ZNHIT1: variants seen among roughly 807,000 people sequenced by gnomAD.
ZNHIT1 encodes the protein zinc finger HIT domain-containing protein 1.
A neutral mutation model predicts 21.4 loss-of-function variants in ZNHIT1; 20 were observed. The ratio of observed to expected loss-of-function variants is 0.93; its 90% CI spans 0.66 to 1.36. The LOEUF (loss-of-function observed/expected upper bound fraction) is 1.36, where lower values mean the gene tolerates loss of function less well. Among genes scored for constraint, ZNHIT1 ranks in the 40% most tolerant of loss-of-function variants. ZNHIT1 has a pLI of 0.00. For missense variants in ZNHIT1, 170 were observed against 213.5 expected, an observed-to-expected ratio of 0.80 and a Z score of 1.27; for synonymous variants, 79 against 84.0, an observed-to-expected ratio of 0.94 and a Z score of 0.32.
chr7:101,224,116 C>T lies in ZNHIT1; in HGVS notation c.*158C>T, dbSNP rs1302766924. 15 of 1,150,544 alleles carry T rather than the reference C, an allele frequency of 1.3e-5. No individual in the cohort carries two copies. The highest frequency in any genetic ancestry group is 1.6e-5 in the Non-Finnish European group (13 of 802,152). The allele number at this position is 1,150,544 out of a possible 1,614,324, so 71.3% of individuals were successfully genotyped here. Reference sequence around the variant, plus strand: ...TGTCTTATCTGCCAGGAAAGACCAGCCTCACTCCTGGGAACTGTCTGGCAG... The same window carrying T: ...TGTCTTATCTGCCAGGAAAGACCAGTCTCACTCCTGGGAACTGTCTGGCAG... On this transcript the variant is annotated 3_prime_UTR_variant, in exon 5 of 5. Transcript: ENST00000305105.
chr7:101,222,761 C>T lies in ZNHIT1; in HGVS notation c.180C>T (p.Asp60=), dbSNP rs61748356. 5.5e-4 allele frequency: 893 copies of T among 1,613,856 alleles called. 3 individuals are homozygous for T. In the African/African-American group the frequency reaches 9.8e-3, roughly 18 times the overall value. Residue 60 remains aspartate, a synonymous_variant, in exon 2 of 5, where the codon GAC becomes GAT. Transcript: ENST00000305105. ...GCAAGAGACTGCCTCAGTTTGATGA[C>T]GATGCGGACACTGGTGAGGCGGATG... The part of the protein sequence containing the change: ...QLGKRLPQFD[D]DADTGKKKKK...
chr7:101,223,929 G>C lies in ZNHIT1; in HGVS notation c.444-8G>C. 1 of 1,614,148 alleles carries C rather than the reference G, an allele frequency of 6.2e-7. No homozygotes were observed. Among genetic ancestry groups the C allele is most frequent in the Non-Finnish European group, 8.5e-7 (1 of 1,180,008 alleles). Reference sequence around the variant, plus strand: ...CTCCCCTCATCCTGGCTTCCCCTCTGTCTGCAGGTGTCTGAAGTGGACTGT... The same window carrying C: ...CTCCCCTCATCCTGGCTTCCCCTCTCTCTGCAGGTGTCTGAAGTGGACTGT... On this transcript the variant is annotated splice_region_variant and splice_polypyrimidine_tract_variant and intron_variant, in intron 4 of 4. Coordinates refer to ENST00000305105, the MANE Select transcript of ZNHIT1 (RefSeq NM_006349.3).
chr7:101,220,226 C>T (rs1023849579), intron 1 of ZNHIT1: 1 of 148,800 alleles, frequency 6.7e-6, no homozygotes, highest in Non-Finnish European at 1.5e-5. Flanking sequence ...CTCAAGCAAT[C>T]CTTGCGCCTC....
intron 1 of ZNHIT1, chr7:101,218,530 C>T (rs576605258): frequency 5.0e-6 from 2 of 396,626 alleles, no homozygotes; most frequent in South Asian, 4.6e-5. Flanking sequence ...CCTGCGTGGG[C>T]CTTCCAAAGT....
At position 101,222,767 on chromosome 7, in the gene ZNHIT1, G is replaced by A. The variant is rs139212136; in HGVS notation, c.186G>A (p.Ala62=). 918 of 1,613,756 alleles carry A rather than the reference G, an allele frequency of 5.7e-4. 6 individuals are homozygous for A. The African/African-American group carries it at 0.011, about 20-fold the overall frequency. ...GKRLPQFDDD[A]DTGKKKKKTR... is the part of the protein sequence containing the mutation. ...GACTGCCTCAGTTTGATGACGATGC[G>A]GACACTGGTGAGGCGGATGGAGGAG... The change falls in exon 2 of 5, where the codon GCG becomes GCA. Residue 62 remains alanine, a synonymous_variant. Coordinates refer to ENST00000305105, the MANE Select transcript of ZNHIT1 (RefSeq NM_006349.3).
chr7:101,219,879 T>G (rs901098924), intron 1 of ZNHIT1: 1 of 152,254 alleles, frequency 6.6e-6, no homozygotes, highest in Non-Finnish European at 1.5e-5. Flanking sequence ...CTTCCCTGAC[T>G]ACTCCAAGGC....
At position 101,218,202 on chromosome 7, in the gene ZNHIT1, G is replaced by A. The variant is rs765220115; in HGVS notation, c.7G>A (p.Glu3Lys). 8 of 1,613,284 alleles carry A rather than the reference G, an allele frequency of 5.0e-6. No homozygotes were observed. Among genetic ancestry groups the A allele is most frequent in the African/African-American group, 1.3e-5 (1 of 74,882 alleles). Residue 3 changes from glutamate (E) to lysine (K), a missense_variant, in exon 1 of 5, where the codon GAG becomes AAG. Glu to Lys is a moderately conservative substitution (Grantham distance 56). Transcript: ENST00000305105. ...CGACAGTTGTGTTGTGCCAATGGTG[G>A]AGAAGAAAACTTCGGGTATGTGAGC... is the stretch of plus-strand genomic sequence containing the variant. MV[E>K]KKTSVRSQDP... is the part of the protein sequence containing the mutation.
chr7:101,220,740 G>A (rs1192474480), intron 1 of ZNHIT1: 1 of 152,110 alleles, frequency 6.6e-6, no homozygotes, highest in Admixed American at 6.6e-5. Flanking sequence ...ATAAGGCAAT[G>A]AGGAAAGAGG....
rs774757237 is a variant in ZNHIT1, at chr7:101,222,628, G to A, written c.47G>A (p.Arg16Gln). The change falls in exon 2 of 5, where the codon CGG becomes CAG. Residue 16 changes from arginine to glutamine, a missense_variant. Arg to Gln is a conservative substitution (Grantham distance 43, BLOSUM62 1). Coordinates refer to ENST00000305105, the MANE Select transcript of ZNHIT1 (RefSeq NM_006349.3). ...TSVRSQDPGQ[R>Q]RVLDRAARQR... is the part of the protein sequence containing the mutation. ...GTTCGCTCCCAGGACCCCGGGCAGC[G>A]GCGGGTGCTGGACCGGGCTGCCCGG... 7 of 1,611,058 alleles carry A rather than the reference G, an allele frequency of 4.3e-6. No homozygotes were observed. Among genetic ancestry groups the A allele is most frequent in the South Asian group, 3.3e-5 (3 of 91,008 alleles).
At position 101,224,128 on chromosome 7, in the gene ZNHIT1, G is replaced by T. The variant is rs919926583; in HGVS notation, c.*170G>T. 2.0e-6 allele frequency: 2 copies of T among 1,023,502 alleles called. No homozygotes were observed. The highest frequency in any genetic ancestry group is 2.9e-6 in the Non-Finnish European group (2 of 699,904). The allele number at this position is 1,023,502 out of a possible 1,614,324, so 63.4% of individuals were successfully genotyped here. A position where few individuals can be genotyped will look rare whatever the true frequency, so the allele number is the denominator to read the frequency against. ...CAGGAAAGACCAGCCTCACTCCTGG[G>T]AACTGTCTGGCAGGTAGGCTGGGCC... On this transcript the variant is annotated 3_prime_UTR_variant, in exon 5 of 5. Coordinates refer to ENST00000305105, the MANE Select transcript of ZNHIT1 (RefSeq NM_006349.3).
At chr7:101,220,145 G>C (rs1164231663) in intron 1 of ZNHIT1, 1 of 138,362 alleles carries the variant, frequency 7.2e-6, no homozygotes, top group African/African-American at 2.8e-5. Context: ...TTTGAAACAG[G>C]GTCTTGCTCT....
chr7:101,221,278 G>A (rs1005162969), intron 1 of ZNHIT1: 22 of 149,688 alleles, frequency 1.5e-4, no homozygotes, highest in Admixed American at 8.0e-4. Flanking sequence ...GAGTGGTGGC[G>A]CGATCACGGC....
rs1562900170 is a variant in ZNHIT1 at position 101,223,994 on chromosome 7, A to G, written c.*36A>G. 4 of 1,614,070 alleles carry G rather than the reference A, an allele frequency of 2.5e-6. No homozygotes were observed. Among genetic ancestry groups the G allele is most frequent in the East Asian group, 2.2e-5 (1 of 44,878 alleles). ...TCCCAGAGAGGAAGGGCCGCTGTGCACTGCCCGGCCTTCAGAAAGACAGAA... is the reference window on the plus strand; with the variant it reads ...TCCCAGAGAGGAAGGGCCGCTGTGCGCTGCCCGGCCTTCAGAAAGACAGAA... On this transcript the variant is annotated 3_prime_UTR_variant, in exon 5 of 5. Transcript: ENST00000305105.
intron 1 of ZNHIT1, chr7:101,221,783 T>C (rs1798374300): frequency 6.6e-6 from 1 of 152,216 alleles, no homozygotes; most frequent in Admixed American, 6.6e-5. Flanking sequence ...AGGGTCTCTT[T>C]CTACTCGATG....
At chr7:101,218,354 GCCT>G in intron 1 of ZNHIT1, 137 bp downstream of exon 1, 1 of 942,190 alleles carries the variant, frequency 1.1e-6, no homozygotes, top group Non-Finnish European at 1.6e-6. Context: ...GCTCACTGCA[GCCT>G]CGATTTCCTG....
In ZNHIT1 at chr7:101,223,753, T is replaced by C. The variant is rs746476850; in HGVS notation, c.354T>C (p.Ala118=). The part of the protein sequence containing the change: ...PPSRPQRPFC[A]VCGFPSPYTC... ...CGCGGCCCCAGCGCCCCTTCTGTGC[T>C]GTCTGTGGCTTCCCATCCCCCTACA... Residue 118 remains alanine (A), a synonymous_variant, in exon 4 of 5, where the codon GCT becomes GCC. Transcript: ENST00000305105. 6.2e-7 allele frequency: 1 copy of C among 1,614,128 alleles called. No homozygotes were observed. Among genetic ancestry groups the C allele is most frequent in the Non-Finnish European group, 8.5e-7 (1 of 1,180,014 alleles).
At chr7:101,221,630 G>C (rs1440936847) in intron 1 of ZNHIT1, 1 of 152,258 alleles carries the variant, frequency 6.6e-6, no homozygotes, top group Non-Finnish European at 1.5e-5. Flanking sequence ...CCTTTGTTTG[G>C]AGTCAAAATC....
At chr7:101,218,615 C>T (rs754392245) in intron 1 of ZNHIT1, 23 of 218,026 alleles carry the variant, frequency 1.1e-4, no homozygotes, top group Non-Finnish European at 1.7e-4. Context: ...GCCCTCGGGT[C>T]CTGGCGTTGA....
chr7:101,219,747 C>T (rs1012046666), intron 1 of ZNHIT1: 8 of 152,182 alleles, frequency 5.3e-5, no homozygotes, highest in South Asian at 2.1e-4. Flanking sequence ...TCAAAGGCAT[C>T]GCAGTCTCCC....
Sources: allele counts gnomAD v4.1 joint callset, GRCh38; gene constraint gnomAD v4.1.1; transcripts MANE v1.5; gene names NCBI Gene and HGNC (gene_info 2026-07-23, HGNC 2026-07-21).